Variants in OR51B5 observed in about 807,000 individuals in gnomAD.
OR51B5 encodes the protein olfactory receptor family 51 subfamily B member 5, also known as olfactory receptor 51B5.
For synonymous variants in OR51B5, 186 were observed against 144.8 expected, an observed-to-expected ratio of 1.28 and a Z score of -2.04; for missense variants, 456 against 374.6, an observed-to-expected ratio of 1.22 and a Z score of -1.79.
chr11:5,355,037 T>C (rs1419944871), intron 1 of OR51B5: 1 of 163,474 alleles, frequency 6.1e-6, no homozygotes, highest in Non-Finnish European at 1.3e-5. Context: ...GATGCATCCT[T>C]GCTAACACTG....
intron 1 of OR51B5, chr11:5,489,860 C>T (rs1216263083): frequency 3.5e-6 from 2 of 563,422 alleles, no homozygotes; most frequent in African/African-American, 1.9e-5. Flanking sequence ...CCTTGGGGAA[C>T]TCTGAATACC....
At chr11:5,430,453 CAG>C (rs1850516881) in intron 1 of OR51B5, among the ~76,000 whole-genome samples, 1 of 152,160 alleles carries the variant, frequency 6.6e-6, no homozygotes, top group African/African-American at 2.4e-5. Flanking sequence ...TGTGCACACA[CAG>C]AGACACACAT....
In OR51B5 at chr11:5,351,570, A is replaced by G. The variant is rs528500526; in HGVS notation, n.85-4660T>C. The G allele has an allele frequency of 3.1e-6, 5 of 1,614,090 alleles. No individual in the cohort carries two copies. The South Asian group carries it at 5.5e-5, about 18-fold the overall frequency. On this transcript the variant is annotated intron_variant and non_coding_transcript_variant, in intron 1 of 4. Transcript: ENST00000415970. ...CTGGCTTCCCAGGCATGGAGAAGGC[A>G]CATCACTGGATATTCATCCCATTAT...
chr11:5,465,205 CAAAAAAAA>C (rs34459420), intron 1 of OR51B5, among the ~76,000 whole-genome samples: 8 of 45,428 alleles, frequency 1.8e-4, no homozygotes, highest in Admixed American at 1.5e-3. Flanking sequence ...GACTCCGTCT[CAAAAAAAA>C]AAAAAAAAAA....
chr11:5,381,733 TCTA>T (rs1849611567), intron 1 of OR51B5, among the ~76,000 whole-genome samples: 1 of 152,206 alleles, frequency 6.6e-6, no homozygotes, highest in African/African-American at 2.4e-5. Context: ...ATAAAACAAA[TCTA>T]AAGGTCATTT....
chr11:5,459,999 G>A (rs1851024219), intron 1 of OR51B5, among the ~76,000 whole-genome samples: 1 of 152,016 alleles, frequency 6.6e-6, no homozygotes, highest in Non-Finnish European at 1.5e-5. Flanking sequence ...ATGGTATACT[G>A]GATAATGAAA....
At chr11:5,350,389 A>G (rs1363449007) in intron 1 of OR51B5, among the ~76,000 whole-genome samples, 1 of 152,206 alleles carries the variant, frequency 6.6e-6, no homozygotes, top group Non-Finnish European at 1.5e-5. Flanking sequence ...ATTTACATCA[A>G]TATGCTCTTT....
rs773498591 is a variant in OR51B5 at position 5,453,910 on chromosome 11, T to C, written n.84+51659A>G. 4.3e-6 allele frequency: 7 copies of C among 1,614,104 alleles called. No individual in the cohort carries two copies. The highest frequency in any genetic ancestry group is 1.7e-5 in the Admixed American group (1 of 60,010). On this transcript the variant is annotated intron_variant and non_coding_transcript_variant, in intron 1 of 4. Coordinates refer to the OR51B5 transcript ENST00000415970. The stretch of plus-strand genomic sequence containing the variant: ...GCAACTGTGCTCACCACTGAAGTCA[T>C]TGCTGCAATGGGTTTAGGTGCAGCT...
intron 1 of OR51B5, among the ~76,000 whole-genome samples, chr11:5,447,995 T>C (rs146443568): frequency 2.6e-5 from 4 of 152,316 alleles, no homozygotes; most frequent in African/African-American, 4.8e-5. Flanking sequence ...CTCCTCAAAG[T>C]CTGAGTTTCA....
At chr11:5,361,200 T>C (rs1589953668) in intron 1 of OR51B5, among the ~76,000 whole-genome samples, 1 of 152,200 alleles carries the variant, frequency 6.6e-6, no homozygotes, top group Non-Finnish European at 1.5e-5. Context: ...ACATTTTCTT[T>C]TCTACCCCTA....
intron 1 of OR51B5, among the ~76,000 whole-genome samples, chr11:5,474,793 G>C (rs535349285): frequency 2.1e-4 from 32 of 152,294 alleles, no homozygotes; most frequent in African/African-American, 7.0e-4. Context: ...GTATGACAGT[G>C]AACAGGATAA....
In OR51B5 at chr11:5,342,898, A is replaced by G. The variant is rs760613476; in HGVS notation, c.627T>C (p.Tyr209=). 2.5e-6 allele frequency: 4 copies of G among 1,613,932 alleles called. No homozygotes were observed. In the African/African-American group the frequency reaches 5.3e-5, roughly 22 times the overall value. ...ACACATAGGAGATGAAGATAATCAGATAATCCAGCACAAATATAAAGACTA... is the reference window on the plus strand; with the variant it reads ...ACACATAGGAGATGAAGATAATCAGGTAATCCAGCACAAATATAAAGACTA... The change falls in exon 1 of 1, where the codon TAT becomes TAC. Residue 209 remains tyrosine, a synonymous_variant. Transcript: ENST00000300773.
chr11:5,394,901 G>A (rs1413200920), intron 1 of OR51B5, among the ~76,000 whole-genome samples: 2 of 152,150 alleles, frequency 1.3e-5, no homozygotes, highest in Non-Finnish European at 2.9e-5. Context: ...CTCAGTGAAT[G>A]ACAGTGAATA....
In OR51B5 at chr11:5,379,022, T is replaced by C. The variant is rs552000994; in HGVS notation, n.85-32112A>G. Among the ~76,000 whole-genome samples the C allele has an allele frequency of 2.1e-3, 315 of 150,912 alleles. 2 individuals carry two copies. Among genetic ancestry groups the C allele is most frequent in the African/African-American group, 7.4e-3 (303 of 40,822 alleles). The stretch of plus-strand genomic sequence containing the variant: ...AAAGACACATGCACACGTATGTTTA[T>C]TGCGGTACTATTCACAATAGCAAAG... On this transcript the variant is annotated intron_variant and non_coding_transcript_variant, in intron 1 of 4. Coordinates refer to the OR51B5 transcript ENST00000415970.
At chr11:5,457,465 T>C (rs1850977128) in intron 1 of OR51B5, among the ~76,000 whole-genome samples, 2 of 152,214 alleles carry the variant, frequency 1.3e-5, no homozygotes, top group African/African-American at 4.8e-5. Flanking sequence ...TTTGGTAGAA[T>C]GATTTATACT....
At chr11:5,416,894 CAAT>C (rs1168327829) in intron 1 of OR51B5, among the ~76,000 whole-genome samples, 1 of 151,994 alleles carries the variant, frequency 6.6e-6, no homozygotes, top group African/African-American at 2.4e-5. Flanking sequence ...ATCAAGCTAA[CAAT>C]GTCTTTCTTC....
At chr11:5,382,543 T>C (rs1302111766) in intron 1 of OR51B5, among the ~76,000 whole-genome samples, 1 of 152,238 alleles carries the variant, frequency 6.6e-6, no homozygotes, top group Non-Finnish European at 1.5e-5. Context: ...TATACTGTCC[T>C]TGGCTAGGAT....
intron 1 of OR51B5, among the ~76,000 whole-genome samples, chr11:5,496,085 G>T (rs1388145127): frequency 6.6e-6 from 1 of 151,838 alleles, no homozygotes; most frequent in Non-Finnish European, 1.5e-5. Context: ...TGCCTTCCCT[G>T]ATTGTGACCT....
chr11:5,411,913 T>C (rs1414387845), intron 1 of OR51B5, among the ~76,000 whole-genome samples: 2 of 152,088 alleles, frequency 1.3e-5, no homozygotes, highest in Non-Finnish European at 2.9e-5. Context: ...GGCAAGAAAA[T>C]GGGTTTTCCC....
Sources: gnomAD v4.1 joint callset for allele counts (sites outside exome capture counted in the v4.1 genomes callset) on GRCh38, gnomAD v4.1.1 for gene constraint, MANE v1.5 for transcripts, NCBI Gene and HGNC (gene_info 2026-07-23, HGNC 2026-07-21) for gene names.